The following CNTN6 variants were observed in gnomAD, a reference collection of about 807,000 sequenced individuals.
CNTN6 encodes contactin-6.
CNTN6 carries 137 observed loss-of-function variants against 122.8 expected under a neutral mutation model. The observed-to-expected ratio is 1.12, with a 90% CI of 0.97 to 1.29. CNTN6 has a LOEUF of 1.29. CNTN6 is among the 50% of genes most tolerant of loss of function. The pLI, the probability that CNTN6 is intolerant of heterozygous loss-of-function variation, is 0.00. For missense variants in CNTN6, 1,634 were observed against 1,223.4 expected (o/e 1.34, Z -5.01); for synonymous variants, 570 against 426.0 (o/e 1.34, Z -4.16).
chr3:1,139,080 GT>G (rs993294523), intron 1 of CNTN6, among the ~76,000 whole-genome samples: 6 of 151,886 alleles, frequency 4.0e-5, no homozygotes, highest in African/African-American at 1.5e-4. Flanking sequence ...TTCTTCACCT[GT>G]TTTTTGCAAA....
rs771133835 is a variant in CNTN6 at position 1,154,448 on chromosome 3, C to CTTT, written c.55+6395_55+6397dup. Among the ~76,000 whole-genome samples the CTTT allele has an allele frequency of 2.3e-3, 324 of 140,512 alleles. 3 individuals carry two copies. In the Middle Eastern group the frequency reaches 0.026, roughly 11 times the overall value. 92.2% of individuals were successfully genotyped at this position (140,512 alleles called of 152,430 possible). ...ATAATATTTTTCTTTTCTTTTCTTTCTTTTTTTTTTTTGAGGTGGAGTTTT... is the reference window on the plus strand; with the variant it reads ...ATAATATTTTTCTTTTCTTTTCTTTCTTTTTTTTTTTTTTTGAGGTGGAGTTTT... On this transcript the variant is annotated intron_variant, in intron 2 of 22. Coordinates refer to ENST00000446702, the MANE Select transcript of CNTN6 (RefSeq NM_001289080.2).
chr3:1,267,008 C>CAGG (rs1468878581), intron 4 of CNTN6, among the ~76,000 whole-genome samples: 1 of 148,674 alleles, frequency 6.7e-6, no homozygotes, highest in Non-Finnish European at 1.5e-5. Context: ...CTGCGACCCC[C>CAGG]AGGTTCAAGC....
At chr3:1,339,012 A>C (rs1180445317) in intron 11 of CNTN6, among the ~76,000 whole-genome samples, 1 of 152,140 alleles carries the variant, frequency 6.6e-6, no homozygotes, top group Non-Finnish European at 1.5e-5. Flanking sequence ...AATAGTATAG[A>C]AATCAGTCTC....
intron 2 of CNTN6, among the ~76,000 whole-genome samples, chr3:1,185,110 A>G (rs539419686): frequency 8.5e-5 from 13 of 152,288 alleles, no homozygotes; most frequent in South Asian, 6.2e-4. Context: ...TTATTTCTAA[A>G]ATTTGTGAAA....
intron 12 of CNTN6, among the ~76,000 whole-genome samples, chr3:1,364,116 G>C (rs1045574678): frequency 6.6e-6 from 1 of 151,894 alleles, no homozygotes; most frequent in African/African-American, 2.4e-5. Context: ...TGTATATAGA[G>C]GAAGTAATAA....
intron 17 of CNTN6, among the ~76,000 whole-genome samples, chr3:1,380,205 A>G (rs911015758): frequency 6.6e-6 from 1 of 152,192 alleles, no homozygotes; most frequent in Non-Finnish European, 1.5e-5. Context: ...TTCTAAGTTC[A>G]GTCACAATCT....
chr3:1,382,105 T>A (rs559079712), intron 17 of CNTN6, among the ~76,000 whole-genome samples: 4,044 of 145,370 alleles, frequency 0.028, 100 homozygotes, highest in Non-Finnish European at 0.041. Flanking sequence ...GAATATTTAT[T>A]AAAAAAAAAA....
rs2091850141 is a variant in CNTN6 at position 1,119,158 on chromosome 3, T to A, written c.-83+26038T>A. The stretch of plus-strand genomic sequence containing the variant: ...TCGAGACAATTTGAGTCTGCATTTT[T>A]TAAGTGAAACTATTAGTAACGTAGT... On this transcript the variant is annotated intron_variant, in intron 1 of 22. Coordinates refer to ENST00000446702, the MANE Select transcript of CNTN6 (RefSeq NM_001289080.2). Among the ~76,000 whole-genome samples, 2 of 152,054 alleles carry A rather than the reference T, an allele frequency of 1.3e-5. 1 individual carries two copies. The highest frequency in any genetic ancestry group is 4.8e-5 in the African/African-American group (2 of 41,424).
chr3:1,359,517 A>G (rs897656895), intron 12 of CNTN6, among the ~76,000 whole-genome samples: 11 of 152,096 alleles, frequency 7.2e-5, no homozygotes, highest in Non-Finnish European at 1.3e-4. Flanking sequence ...TAGTAAATAA[A>G]TGAGTAATGG....
intron 2 of CNTN6, among the ~76,000 whole-genome samples, chr3:1,152,285 C>G (rs150973403): frequency 6.6e-6 from 1 of 151,816 alleles, no homozygotes; most frequent in Non-Finnish European, 1.5e-5. Context: ...ATTACAGGCA[C>G]GCACCACCAT....
intron 1 of CNTN6, among the ~76,000 whole-genome samples, chr3:1,139,668 G>T (rs1471261988): frequency 6.6e-6 from 1 of 152,016 alleles, no homozygotes; most frequent in African/African-American, 2.4e-5. Flanking sequence ...CCTGATTCTG[G>T]GGCAAACCCC....
intron 7 of CNTN6, among the ~76,000 whole-genome samples, chr3:1,314,710 G>A (rs1407455591): frequency 6.6e-6 from 1 of 151,866 alleles, no homozygotes; most frequent in African/African-American, 2.4e-5. Flanking sequence ...ACAGGATGAA[G>A]TAAAAGTCCA....
chr3:1,172,603 C>T (rs1025048367), intron 2 of CNTN6, among the ~76,000 whole-genome samples: 5 of 150,458 alleles, frequency 3.3e-5, no homozygotes, highest in Middle Eastern at 6.8e-3. Context: ...AAAGTGAAGA[C>T]AGTCTGCAAT....
At chr3:1,280,135 A>C (rs1693113501) in intron 5 of CNTN6, among the ~76,000 whole-genome samples, 1 of 152,198 alleles carries the variant, frequency 6.6e-6, no homozygotes, top group Non-Finnish European at 1.5e-5. Context: ...AATATTCTTG[A>C]CACTACTGAA....
intron 20 of CNTN6, among the ~76,000 whole-genome samples, chr3:1,396,559 C>T (rs1695008823): frequency 6.6e-6 from 1 of 152,144 alleles, no homozygotes; most frequent in South Asian, 2.1e-4. Flanking sequence ...AGCGATTTCT[C>T]TGAGAACCAA....
At chr3:1,194,453 CA>C (rs1426262566) in intron 2 of CNTN6, among the ~76,000 whole-genome samples, 2 of 151,942 alleles carry the variant, frequency 1.3e-5, no homozygotes, top group Non-Finnish European at 2.9e-5. Context: ...AAAACATTTA[CA>C]TATAAATCAG....
intron 2 of CNTN6, among the ~76,000 whole-genome samples, chr3:1,172,812 G>T (rs892968651): frequency 6.6e-6 from 1 of 152,184 alleles, no homozygotes; most frequent in African/African-American, 2.4e-5. Flanking sequence ...TCTATCTATA[G>T]CCCTGTCATG....
At chr3:1,280,200 A>G (rs1466873052) in intron 5 of CNTN6, among the ~76,000 whole-genome samples, 2 of 152,180 alleles carry the variant, frequency 1.3e-5, no homozygotes, top group Non-Finnish European at 2.9e-5. Context: ...ATATTTGTAA[A>G]TGAATCAGTT....
intron 17 of CNTN6, among the ~76,000 whole-genome samples, chr3:1,380,417 A>G (rs1261410439): frequency 6.6e-6 from 1 of 152,148 alleles, no homozygotes; most frequent in Non-Finnish European, 1.5e-5. Context: ...GAATATAGCA[A>G]TGGGTAATTC....
Sources: allele counts gnomAD v4.1 joint callset (sites outside exome capture counted in the v4.1 genomes callset), GRCh38; gene constraint gnomAD v4.1.1; transcripts MANE v1.5; gene names NCBI Gene and HGNC (gene_info 2026-07-23, HGNC 2026-07-21).